The following NCKAP5 variants were observed in gnomAD, a reference collection of about 807,000 sequenced individuals.
NCKAP5 encodes the protein nck-associated protein 5.
Under a neutral mutation model 167.0 loss-of-function variants are expected in NCKAP5, and 92 were observed. That is an observed-to-expected ratio of 0.55 (90% CI 0.47 to 0.66). NCKAP5 has a LOEUF of 0.66. NCKAP5 is among the 30% of genes least tolerant of loss of function. The pLI is 0.00. For synonymous variants in NCKAP5, 891 were observed against 877.4 expected (o/e 1.02, Z -0.27); for missense variants, 2,378 against 2,315.0 (o/e 1.03, Z -0.56).
chr2:133,246,636 T>C (rs951201844), intron 4 of NCKAP5, among the ~76,000 whole-genome samples: 1 of 152,200 alleles, frequency 6.6e-6, no homozygotes, highest in African/African-American at 2.4e-5. Flanking sequence ...AAATTTTTGT[T>C]TTTGTGATTT....
At chr2:132,995,703 G>A (rs926111516) in intron 6 of NCKAP5, among the ~76,000 whole-genome samples, 2 of 151,356 alleles carry the variant, frequency 1.3e-5, no homozygotes, top group African/African-American at 2.4e-5. Context: ...GTCTGGGCAC[G>A]GTGGGTCACC....
chr2:133,073,250 T>C (rs886112248), intron 6 of NCKAP5, among the ~76,000 whole-genome samples: 1 of 152,112 alleles, frequency 6.6e-6, no homozygotes, highest in African/African-American at 2.4e-5. Context: ...TCTCCCTTTT[T>C]TTATTCTCCC....
intron 7 of NCKAP5, among the ~76,000 whole-genome samples, chr2:132,993,596 G>A (rs952310353): frequency 6.6e-6 from 1 of 152,160 alleles, no homozygotes; most frequent in African/African-American, 2.4e-5. Flanking sequence ...TGTACTCTCA[G>A]TCTCACTGTA....
At chr2:133,007,615 G>A (rs991781913) in intron 6 of NCKAP5, among the ~76,000 whole-genome samples, 3 of 152,138 alleles carry the variant, frequency 2.0e-5, no homozygotes, top group Non-Finnish European at 2.9e-5. Context: ...GGTCTGAGCA[G>A]CAGGGTAGTC....
intron 6 of NCKAP5, among the ~76,000 whole-genome samples, chr2:133,051,565 G>C (rs1157143231): frequency 1.3e-5 from 2 of 152,142 alleles, no homozygotes; most frequent in East Asian, 3.9e-4. Flanking sequence ...AGCATTCACA[G>C]GATGCCGAAC....
chr2:132,721,024 A>AG (rs898942741), intron 19 of NCKAP5, among the ~76,000 whole-genome samples: 1 of 151,212 alleles, frequency 6.6e-6, no homozygotes, highest in African/African-American at 2.4e-5. Flanking sequence ...AAAAAAAAAA[A>AG]AAATGCTGTG....
chr2:133,082,841 G>A (rs988474136), intron 6 of NCKAP5, among the ~76,000 whole-genome samples: 1 of 152,114 alleles, frequency 6.6e-6, no homozygotes, highest in African/African-American at 2.4e-5. Flanking sequence ...GAAAATAGTT[G>A]GTGCTTCGGG....
intron 19 of NCKAP5, among the ~76,000 whole-genome samples, chr2:132,693,317 G>A (rs2105161335): frequency 6.6e-6 from 1 of 152,254 alleles, no homozygotes. Flanking sequence ...GGATCATACT[G>A]GAGTAAGGTA....
chr2:133,299,256 C>T (rs907240162), intron 4 of NCKAP5, among the ~76,000 whole-genome samples: 3 of 152,120 alleles, frequency 2.0e-5, no homozygotes, highest in Non-Finnish European at 2.9e-5. Flanking sequence ...AGACCTAGAA[C>T]GCCTGAAAGA....
intron 4 of NCKAP5, among the ~76,000 whole-genome samples, chr2:133,232,745 CTCTA>C (rs771661435): frequency 4.6e-5 from 7 of 152,134 alleles, no homozygotes; most frequent in South Asian, 2.1e-4. Context: ...ACAAGATAGG[CTCTA>C]TCTAGCTAAG....
chr2:132,831,545 T>C (rs776148783), intron 11 of NCKAP5, among the ~76,000 whole-genome samples: 3 of 152,152 alleles, frequency 2.0e-5, no homozygotes, highest in Non-Finnish European at 2.9e-5. Context: ...TCTCTGTGAA[T>C]TGCTTCTACA....
At chr2:133,550,279 G>T (rs1342480937) in intron 2 of NCKAP5, among the ~76,000 whole-genome samples, 1 of 146,696 alleles carries the variant, frequency 6.8e-6, no homozygotes, top group Non-Finnish European at 1.5e-5. Context: ...CCAAAGCCAG[G>T]CAGAGACACA....
intron 4 of NCKAP5, among the ~76,000 whole-genome samples, chr2:133,240,106 T>A (rs1013442753): frequency 6.6e-6 from 1 of 152,174 alleles, no homozygotes; most frequent in Non-Finnish European, 1.5e-5. Context: ...GATAACACTG[T>A]CTAGAGTTGC....
At chr2:133,583,866 G>T in the NCKAP5 span, among the ~76,000 whole-genome samples, 2 of 152,008 alleles carry the variant, frequency 1.3e-5, no homozygotes, top group African/African-American at 2.4e-5. Flanking sequence ...CCATTCTCCT[G>T]CCTCAGCCTC....
At chr2:133,054,485 G>A (rs907025996) in intron 6 of NCKAP5, among the ~76,000 whole-genome samples, 1 of 152,134 alleles carries the variant, frequency 6.6e-6, no homozygotes, top group African/African-American at 2.4e-5. Flanking sequence ...GAGGGAGCCT[G>A]GGAGAAGAAC....
chr2:132,977,175 A>C (rs2077001578), intron 7 of NCKAP5, among the ~76,000 whole-genome samples: 1 of 152,210 alleles, frequency 6.6e-6, no homozygotes, highest in South Asian at 2.1e-4. Flanking sequence ...CACACTGCAC[A>C]ACACAGAAGG....
At chr2:133,322,290 G>A (rs1475232751) in intron 3 of NCKAP5, among the ~76,000 whole-genome samples, 1 of 152,054 alleles carries the variant, frequency 6.6e-6, no homozygotes, top group African/African-American at 2.4e-5. Flanking sequence ...AAGCATAGAT[G>A]CAAGAAAGTT....
At chr2:132,769,470 A>T (rs2104924539) in intron 16 of NCKAP5, among the ~76,000 whole-genome samples, 1 of 152,332 alleles carries the variant, frequency 6.6e-6, no homozygotes, top group East Asian at 1.9e-4. Flanking sequence ...AGAATATGTG[A>T]CAACACTTAG....
intron 4 of NCKAP5, among the ~76,000 whole-genome samples, chr2:133,296,467 A>T (rs1679968631): frequency 6.6e-6 from 1 of 152,146 alleles, no homozygotes; most frequent in Non-Finnish European, 1.5e-5. Context: ...TTAAGTGAAT[A>T]CTTGGACATT....
Sources: allele counts gnomAD v4.1 joint callset (sites outside exome capture counted in the v4.1 genomes callset), GRCh38; gene constraint gnomAD v4.1.1; transcripts MANE v1.5; gene names NCBI Gene and HGNC (gene_info 2026-07-23, HGNC 2026-07-21).